Variants in HMBOX1 observed in about 807,000 individuals in gnomAD.
The protein encoded by HMBOX1 is homeobox containing 1, also known as homeobox-containing protein 1.
HMBOX1 carries 14 observed loss-of-function variants against 54.5 expected under a neutral mutation model. The ratio of observed to expected loss-of-function variants is 0.26; its 90% CI spans 0.17 to 0.40. The LOEUF (loss-of-function observed/expected upper bound fraction) is 0.40, where lower values mean the gene tolerates loss of function less well. Among genes scored for constraint, HMBOX1 ranks in the 10% least tolerant of loss-of-function variants. The pLI is 1.00. For synonymous variants in HMBOX1, 160 were observed against 181.0 expected (o/e 0.88, Z 0.93); for missense variants, 332 against 514.4 (o/e 0.65, Z 3.43).
intron 4 of HMBOX1, among the ~76,000 whole-genome samples, chr8:28,995,791 C>T (rs1021430892): frequency 6.6e-6 from 1 of 152,110 alleles, no homozygotes; most frequent in Non-Finnish European, 1.5e-5. Context: ...CTAGCCAAAT[C>T]CTTTGTCCAT....
At chr8:28,927,939 A>G (rs567424738) in intron 1 of HMBOX1, among the ~76,000 whole-genome samples, 85 of 151,624 alleles carry the variant, frequency 5.6e-4, no homozygotes, top group African/African-American at 1.9e-3. Context: ...GATCGAGACC[A>G]TCCTGGCTAA....
intron 1 of HMBOX1, among the ~76,000 whole-genome samples, chr8:28,892,635 A>G (rs1012267699): frequency 1.1e-4 from 16 of 152,182 alleles, no homozygotes; most frequent in African/African-American, 3.6e-4. Flanking sequence ...ATTTTATGAT[A>G]TGTCCTCTAA....
intron 1 of HMBOX1, among the ~76,000 whole-genome samples, chr8:28,938,785 G>GTGT (rs1174076475): frequency 1.2e-5 from 1 of 82,442 alleles, no homozygotes; most frequent in South Asian, 3.3e-4. Flanking sequence ...TCTTTATCTG[G>GTGT]AGTAGTCTTT....
intron 4 of HMBOX1, among the ~76,000 whole-genome samples, chr8:28,998,765 A>G (rs981529124): frequency 1.3e-5 from 2 of 152,078 alleles, no homozygotes; most frequent in East Asian, 3.9e-4. Flanking sequence ...CTCATGTACA[A>G]TTTTAAATCC....
intron 6 of HMBOX1, among the ~76,000 whole-genome samples, chr8:29,022,958 T>TA (rs1220413725): frequency 6.6e-6 from 1 of 152,158 alleles, no homozygotes; most frequent in Non-Finnish European, 1.5e-5. Context: ...ACCCAAGAAT[T>TA]ATCTCAAATG....
At chr8:28,913,004 A>T (rs1815760361) in intron 1 of HMBOX1, among the ~76,000 whole-genome samples, 1 of 151,970 alleles carries the variant, frequency 6.6e-6, no homozygotes. Context: ...TCTGATTCTT[A>T]CTTCCTTCAT....
chr8:29,049,065 C>A lies in HMBOX1; in HGVS notation c.1125+17C>A. The A allele has an allele frequency of 6.2e-7, 1 of 1,606,342 alleles. No individual in the cohort carries two copies. Among genetic ancestry groups the A allele is most frequent in the Non-Finnish European group, 8.5e-7 (1 of 1,173,508 alleles). On this transcript the variant is annotated intron_variant, in intron 9 of 9. Transcript: ENST00000287701. ...TCTGAGCAGGTGAGCCCCTGCGCAG[C>A]TGGGCGAGGTTCTTGGTGCCTGAGC...
In HMBOX1 at chr8:29,009,066, A is replaced by G. The variant is rs1482236088; in HGVS notation, c.587-6A>G. On this transcript the variant is annotated splice_region_variant and splice_polypyrimidine_tract_variant and intron_variant, in intron 4 of 9. Coordinates refer to ENST00000287701, the MANE Select transcript of HMBOX1 (RefSeq NM_001135726.3). Reference sequence around the variant, plus strand: ...CCCCCCAAAACCTATTTCTCTTTCTACATAGGTATCAGTCAGAGCCGGATC... The same window carrying G: ...CCCCCCAAAACCTATTTCTCTTTCTGCATAGGTATCAGTCAGAGCCGGATC... 1 of 1,606,306 alleles carries G rather than the reference A, an allele frequency of 6.2e-7. No individual in the cohort carries two copies. The highest frequency in any genetic ancestry group is 8.5e-7 in the Non-Finnish European group (1 of 1,173,604).
intron 1 of HMBOX1, among the ~76,000 whole-genome samples, chr8:28,963,592 C>A (rs929110676): frequency 1.3e-5 from 2 of 152,140 alleles, no homozygotes; most frequent in Non-Finnish European, 1.5e-5. Context: ...AGCTTCTAAA[C>A]AATGAATAGT....
At chr8:28,995,179 A>G (rs1831608265) in intron 4 of HMBOX1, among the ~76,000 whole-genome samples, 3 of 152,172 alleles carry the variant, frequency 2.0e-5, no homozygotes, top group Admixed American at 2.0e-4. Context: ...CAGTCCTCCA[A>G]GCCCTGGTAT....
At chr8:29,044,897 AT>A (rs1805352090) in intron 6 of HMBOX1, among the ~76,000 whole-genome samples, 1 of 152,090 alleles carries the variant, frequency 6.6e-6, no homozygotes, top group African/African-American at 2.4e-5. Context: ...GTAATTTCCA[AT>A]TTTTTCTACT....
chr8:28,941,940 G>A lies in HMBOX1; in HGVS notation c.-57-21871G>A, dbSNP rs76446367. On this transcript the variant is annotated intron_variant, in intron 1 of 9. Coordinates refer to ENST00000287701, the MANE Select transcript of HMBOX1 (RefSeq NM_001135726.3). ...TCAGTATTTCTAGGAGCCCTTGAAT[G>A]GAATGTGACATGTGTTCAAGAACAG... Among the ~76,000 whole-genome samples the A allele has an allele frequency of 3.3e-5, 5 of 152,290 alleles. No individual in the cohort carries two copies. In the East Asian group the frequency reaches 9.6e-4, roughly 29 times the overall value.
intron 1 of HMBOX1, among the ~76,000 whole-genome samples, chr8:28,907,164 C>T (rs1021324856): frequency 1.3e-5 from 2 of 152,140 alleles, no homozygotes; most frequent in African/African-American, 4.8e-5. Context: ...CCTTTTAAGG[C>T]AGTGTATTCC....
chr8:29,037,255 T>G (rs993490913), intron 6 of HMBOX1, among the ~76,000 whole-genome samples: 1 of 152,226 alleles, frequency 6.6e-6, no homozygotes, highest in African/African-American at 2.4e-5. Context: ...ATCTTTTGTT[T>G]GTTATACCTC....
intron 4 of HMBOX1, among the ~76,000 whole-genome samples, chr8:28,986,636 A>G (rs1403996253): frequency 6.6e-6 from 1 of 152,110 alleles, no homozygotes; most frequent in African/African-American, 2.4e-5. Context: ...GTTAGGAGAA[A>G]CCTTTTCAAA....
At chr8:29,000,528 C>G (rs1832490406) in intron 4 of HMBOX1, among the ~76,000 whole-genome samples, 1 of 152,262 alleles carries the variant, frequency 6.6e-6, no homozygotes, top group Non-Finnish European at 1.5e-5. Flanking sequence ...GTCATTGCCT[C>G]AGGCAGCTGC....
At chr8:28,990,596 G>A (rs749435294) in intron 4 of HMBOX1, among the ~76,000 whole-genome samples, 1 of 151,998 alleles carries the variant, frequency 6.6e-6, no homozygotes, top group Non-Finnish European at 1.5e-5. Flanking sequence ...GGGACATTCT[G>A]GGTTTATGTT....
At chr8:28,983,334 C>T (rs1366996014) in intron 4 of HMBOX1, among the ~76,000 whole-genome samples, 1 of 152,180 alleles carries the variant, frequency 6.6e-6, no homozygotes, top group Non-Finnish European at 1.5e-5. Flanking sequence ...CTGAATTTCA[C>T]TATTTGCCAT....
At chr8:28,977,735 T>G (rs1828642383) in intron 3 of HMBOX1, among the ~76,000 whole-genome samples, 2 of 151,748 alleles carry the variant, frequency 1.3e-5, no homozygotes, top group East Asian at 3.9e-4. Flanking sequence ...GGTCAGGAGA[T>G]CAAGACCATC....
Sources: allele counts gnomAD v4.1 joint callset (sites outside exome capture counted in the v4.1 genomes callset), GRCh38; gene constraint gnomAD v4.1.1; transcripts MANE v1.5; gene names NCBI Gene and HGNC (gene_info 2026-07-23, HGNC 2026-07-21).